CTNNA2: variants seen among roughly 807,000 people sequenced by gnomAD.
CTNNA2 encodes catenin alpha 2.
A neutral mutation model predicts 101.0 loss-of-function variants in CTNNA2; 42 were observed. That is an observed-to-expected ratio of 0.42 (90% CI 0.32 to 0.54). CTNNA2 has a LOEUF of 0.54. Among genes scored for constraint, CTNNA2 ranks in the 20% least tolerant of loss-of-function variants. CTNNA2 has a pLI of 0.14. For missense variants in CTNNA2, 871 were observed against 1,223.1 expected (o/e 0.71, Z 4.29); for synonymous variants, 450 against 456.4 (o/e 0.99, Z 0.18).
intron 1 of CTNNA2, among the ~76,000 whole-genome samples, chr2:79,575,063 T>C (rs769250122): frequency 2.0e-5 from 3 of 152,170 alleles, no homozygotes; most frequent in African/African-American, 4.8e-5. Context: ...GGTGAAGTCA[T>C]TTGTTTTTTG....
At chr2:80,227,036 C>T (rs114665785) in intron 7 of CTNNA2, among the ~76,000 whole-genome samples, 19 of 152,284 alleles carry the variant, frequency 1.2e-4, no homozygotes, top group African/African-American at 2.9e-4. Flanking sequence ...CAAATTCATT[C>T]GCAGGATTGC....
intron 7 of CTNNA2, among the ~76,000 whole-genome samples, chr2:79,953,584 A>C (rs1689027815): frequency 6.6e-6 from 1 of 152,226 alleles, no homozygotes; most frequent in African/African-American, 2.4e-5. Context: ...CCACTGGTGA[A>C]GTACGACTGA....
At chr2:80,328,448 G>C in intron 7 of CTNNA2, 1 of 463,650 alleles carries the variant, frequency 2.2e-6, no homozygotes, top group Non-Finnish European at 4.5e-6. Context: ...AGGAAGGACA[G>C]TGTAGAGGGG....
intron 3 of CTNNA2, among the ~76,000 whole-genome samples, chr2:79,333,739 G>T (rs1676929015): frequency 6.6e-6 from 1 of 152,106 alleles, no homozygotes; most frequent in African/African-American, 2.4e-5. Context: ...ATTAAAAACA[G>T]TGAAAAATCA....
At chr2:80,391,204 C>T (rs1016065579) in intron 7 of CTNNA2, among the ~76,000 whole-genome samples, 3 of 151,734 alleles carry the variant, frequency 2.0e-5, no homozygotes, top group Non-Finnish European at 2.9e-5. Flanking sequence ...CTTGGTGCCA[C>T]CTTAAATTTT....
At chr2:80,279,690 A>G (rs1217979816) in intron 7 of CTNNA2, among the ~76,000 whole-genome samples, 1 of 152,064 alleles carries the variant, frequency 6.6e-6, no homozygotes, top group Non-Finnish European at 1.5e-5. Context: ...GTGGCAGAGG[A>G]CTTTTCATGA....
At chr2:79,302,399 C>A (rs368027711) in intron 2 of CTNNA2, among the ~76,000 whole-genome samples, 6 of 152,120 alleles carry the variant, frequency 3.9e-5, no homozygotes, top group African/African-American at 1.4e-4. Flanking sequence ...TATAAAATAT[C>A]AGACACCTTT....
chr2:79,965,059 C>T (rs187514562), intron 7 of CTNNA2, among the ~76,000 whole-genome samples: 92 of 152,282 alleles, frequency 6.0e-4, no homozygotes, highest in African/African-American at 1.7e-3. Flanking sequence ...AATGGCATTT[C>T]GAAGCACTGT....
At chr2:80,060,362 T>C (rs1285899277) in intron 7 of CTNNA2, among the ~76,000 whole-genome samples, 1 of 152,182 alleles carries the variant, frequency 6.6e-6, no homozygotes, top group East Asian at 1.9e-4. Flanking sequence ...GCAGCGGTTC[T>C]GGCGGCAACT....
At chr2:79,963,594 T>G (rs1385645616) in intron 7 of CTNNA2, among the ~76,000 whole-genome samples, 1 of 152,158 alleles carries the variant, frequency 6.6e-6, no homozygotes, top group African/African-American at 2.4e-5. Flanking sequence ...AAGATCACTC[T>G]AATGGCCACT....
Position 80,130,382 on chromosome 2 carries a change from C to T in CTNNA2, c.1056+220585C>T, listed in dbSNP as rs757435421. Among the ~76,000 whole-genome samples the T allele has an allele frequency of 4.9e-4, 75 of 152,238 alleles. 1 individual carries two copies. In the Middle Eastern group the frequency reaches 0.017, roughly 35 times the overall value. ...ATTCCCATTATAGAGCAGTCTGTCACGTATTCCAACTATTTTTCATGAGTG... is the reference window on the plus strand; with the variant it reads ...ATTCCCATTATAGAGCAGTCTGTCATGTATTCCAACTATTTTTCATGAGTG... On this transcript the variant is annotated intron_variant, in intron 7 of 18. Coordinates refer to ENST00000402739, the MANE Select transcript of CTNNA2 (RefSeq NM_001282597.3).
At chr2:79,424,705 C>CGAT (rs1678574902) in intron 4 of CTNNA2, among the ~76,000 whole-genome samples, 2 of 152,102 alleles carry the variant, frequency 1.3e-5, no homozygotes, top group South Asian at 4.2e-4. Context: ...GCTCTAGGGA[C>CGAT]GATATCTAAC....
intron 4 of CTNNA2, among the ~76,000 whole-genome samples, chr2:79,421,210 T>C (rs1318595258): frequency 6.6e-6 from 1 of 152,166 alleles, no homozygotes; most frequent in African/African-American, 2.4e-5. Context: ...TATAAAGTGT[T>C]CCTAGATGCA....
intron 1 of CTNNA2, among the ~76,000 whole-genome samples, chr2:79,187,531 T>C (rs549298988): frequency 1.3e-5 from 2 of 152,264 alleles, no homozygotes; most frequent in Middle Eastern, 3.4e-3. Context: ...CCAATAATCA[T>C]TGGTCACACA....
intron 18 of CTNNA2, among the ~76,000 whole-genome samples, chr2:80,628,031 A>T (rs1168051729): frequency 6.6e-6 from 1 of 152,168 alleles, no homozygotes; most frequent in Admixed American, 6.6e-5. Context: ...AAAGAGAATA[A>T]AATACCTAGC....
At chr2:79,992,504 C>T (rs1692252569) in intron 7 of CTNNA2, among the ~76,000 whole-genome samples, 1 of 152,030 alleles carries the variant, frequency 6.6e-6, no homozygotes, top group African/African-American at 2.4e-5. Context: ...TAAATACTTG[C>T]GTATAACTTC....
At chr2:79,257,206 A>G (rs1463659938) in intron 2 of CTNNA2, among the ~76,000 whole-genome samples, 1 of 152,166 alleles carries the variant, frequency 6.6e-6, no homozygotes, top group Non-Finnish European at 1.5e-5. Flanking sequence ...ATACACAACC[A>G]AAAATAGCAT....
At chr2:79,788,726 C>A (rs1675039655) in intron 3 of CTNNA2, among the ~76,000 whole-genome samples, 1 of 152,098 alleles carries the variant, frequency 6.6e-6, no homozygotes, top group Admixed American at 6.6e-5. Context: ...GTGACCAGGG[C>A]ATAATAGTAT....
At chr2:80,189,759 C>A (rs199874558) in intron 7 of CTNNA2, among the ~76,000 whole-genome samples, 9 of 145,166 alleles carry the variant, frequency 6.2e-5, no homozygotes, top group South Asian at 2.2e-4. Flanking sequence ...AAAAAAAAAA[C>A]AAAACAAAAA....
Sources: allele counts gnomAD v4.1 joint callset (sites outside exome capture counted in the v4.1 genomes callset), GRCh38; gene constraint gnomAD v4.1.1; transcripts MANE v1.5; gene names NCBI Gene and HGNC (gene_info 2026-07-23, HGNC 2026-07-21).